The following GRM3 variants were observed in gnomAD, a reference collection of about 807,000 sequenced individuals.
The protein encoded by GRM3 is glutamate metabotropic receptor 3, also known as metabotropic glutamate receptor 3.
A neutral mutation model predicts 70.5 loss-of-function variants in GRM3; 26 were observed. The observed-to-expected ratio is 0.37, with a 90% CI of 0.27 to 0.51. GRM3 has a LOEUF of 0.51. Ranked by LOEUF, GRM3 falls within the 20% of genes least tolerant of loss-of-function variation. The pLI is 0.93. For missense variants in GRM3, 859 were observed against 1,123.8 expected (o/e 0.76, Z 3.37); for synonymous variants, 443 against 434.9 (o/e 1.02, Z -0.23).
At chr7:86,722,979 A>G (rs1355682808) in intron 1 of GRM3, among the ~76,000 whole-genome samples, 3 of 152,094 alleles carry the variant, frequency 2.0e-5, no homozygotes, top group Admixed American at 2.0e-4. Flanking sequence ...CATTTCAAAT[A>G]TATCTGGAGT....
chr7:86,794,806 T>A (rs1457503939), intron 3 of GRM3, among the ~76,000 whole-genome samples: 2 of 152,112 alleles, frequency 1.3e-5, no homozygotes, highest in African/African-American at 4.8e-5. Flanking sequence ...TTAGAATTTG[T>A]TAACGTGGCA....
intron 3 of GRM3, among the ~76,000 whole-genome samples, chr7:86,815,337 T>C (rs1797994848): frequency 1.3e-5 from 2 of 151,858 alleles, no homozygotes; most frequent in Admixed American, 6.6e-5. Flanking sequence ...CTCTACATCA[T>C]ATTCAAATGC....
intron 2 of GRM3, among the ~76,000 whole-genome samples, chr7:86,785,084 C>T (rs1227690959): frequency 6.6e-6 from 1 of 152,168 alleles, no homozygotes; most frequent in African/African-American, 2.4e-5. Context: ...AAACGTGAAA[C>T]CACAATTTCC....
chr7:86,655,845 TGTGTGTGG>T (rs1237517271), intron 1 of GRM3, among the ~76,000 whole-genome samples: 33 of 136,512 alleles, frequency 2.4e-4, no homozygotes, highest in Middle Eastern at 3.7e-3. Flanking sequence ...TGTGTGTGTG[TGTGTGTGG>T]GTGGGTGGGT....
intron 1 of GRM3, among the ~76,000 whole-genome samples, chr7:86,693,552 G>T (rs1340855354): frequency 6.6e-6 from 1 of 152,170 alleles, no homozygotes; most frequent in Non-Finnish European, 1.5e-5. Context: ...AATCATCAGG[G>T]CCAGGAAAAA....
intron 1 of GRM3, among the ~76,000 whole-genome samples, chr7:86,704,059 T>C (rs1217106693): frequency 6.6e-6 from 1 of 151,966 alleles, no homozygotes; most frequent in Non-Finnish European, 1.5e-5. Flanking sequence ...CAGGTGATGA[T>C]TGAAGTTTTT....
intron 1 of GRM3, among the ~76,000 whole-genome samples, chr7:86,727,668 C>A (rs1037265741): frequency 1.3e-5 from 2 of 152,152 alleles, no homozygotes; most frequent in African/African-American, 4.8e-5. Flanking sequence ...GAAGTCAAAT[C>A]AGAAGTTAGA....
chr7:86,783,428 G>A (rs1797130314), intron 2 of GRM3, among the ~76,000 whole-genome samples: 1 of 152,122 alleles, frequency 6.6e-6, no homozygotes, highest in Admixed American at 6.5e-5. Context: ...TCTTCACCTA[G>A]CAGAACTGTT....
At chr7:86,726,232 C>T (rs1795590447) in intron 1 of GRM3, among the ~76,000 whole-genome samples, 1 of 152,200 alleles carries the variant, frequency 6.6e-6, no homozygotes, top group African/African-American at 2.4e-5. Context: ...AGTATATTCA[C>T]AGAGGTGTTG....
intron 5 of GRM3, among the ~76,000 whole-genome samples, chr7:86,850,778 C>A (rs1798741759): frequency 6.6e-6 from 1 of 152,114 alleles, no homozygotes; most frequent in Admixed American, 6.6e-5. Context: ...GGAACAAAGA[C>A]ATTAAATACA....
At chr7:86,710,774 G>A (rs1795179509) in intron 1 of GRM3, among the ~76,000 whole-genome samples, 1 of 151,932 alleles carries the variant, frequency 6.6e-6, no homozygotes, top group Admixed American at 6.6e-5. Context: ...GCTAAAGTTT[G>A]GACCTTACAA....
At chr7:86,793,798 T>C (rs1298731596) in intron 3 of GRM3, among the ~76,000 whole-genome samples, 1 of 152,134 alleles carries the variant, frequency 6.6e-6, no homozygotes, top group Non-Finnish European at 1.5e-5. Flanking sequence ...GCTTGTTATT[T>C]TTACTATTAT....
rs142347613 is a variant in GRM3 at position 86,665,154 on chromosome 7, C to T, written c.-141+20282C>T. Among the ~76,000 whole-genome samples the T allele has an allele frequency of 2.0e-5, 3 of 152,020 alleles. No homozygotes were observed. In the East Asian group the frequency reaches 5.8e-4, roughly 29 times the overall value. ...CTATTCTTTTCGTTCCGTTTTATTC[C>T]ACTGTTACCAAATTGAATATATTTG... On this transcript the variant is annotated intron_variant, in intron 1 of 5. Transcript: ENST00000361669.
intron 3 of GRM3, among the ~76,000 whole-genome samples, chr7:86,813,996 C>A (rs1413732146): frequency 1.3e-5 from 2 of 151,664 alleles, no homozygotes; most frequent in Non-Finnish European, 3.0e-5. Context: ...ATCCTCTAAC[C>A]CCCAATTTTC....
rs931676051 is a variant in GRM3 at position 86,644,544 on chromosome 7, A to G, written c.-469A>G. On this transcript the variant is annotated 5_prime_UTR_variant, in exon 1 of 6. Coordinates refer to ENST00000361669, the MANE Select transcript of GRM3 (RefSeq NM_000840.3). ...GACCACTGGGTCCCCTCTTTCCCCAACCTCCTCCCTCTCTTCTACTCCACC... is the reference window on the plus strand; with the variant it reads ...GACCACTGGGTCCCCTCTTTCCCCAGCCTCCTCCCTCTCTTCTACTCCACC... 1 of 374,380 alleles carries G rather than the reference A, an allele frequency of 2.7e-6. No homozygotes were observed. Among genetic ancestry groups the G allele is most frequent in the South Asian group, 2.0e-5 (1 of 50,730 alleles). 23.2% of individuals were successfully genotyped at this position (374,380 alleles called of 1,614,324 possible). A position where few individuals can be genotyped will look rare whatever the true frequency, so the allele number is the denominator to read the frequency against.
At chr7:86,646,681 C>A (rs188377669) in intron 1 of GRM3, among the ~76,000 whole-genome samples, 7 of 152,168 alleles carry the variant, frequency 4.6e-5, no homozygotes, top group African/African-American at 1.4e-4. Context: ...AAACCTAAAT[C>A]ATAGAAAATT....
intron 3 of GRM3, among the ~76,000 whole-genome samples, chr7:86,834,522 T>C (rs773799536): frequency 2.6e-5 from 4 of 152,114 alleles, no homozygotes; most frequent in Non-Finnish European, 4.4e-5. Flanking sequence ...TCTTCACTTA[T>C]CTCTCTTGAG....
intron 1 of GRM3, among the ~76,000 whole-genome samples, chr7:86,722,423 T>TA (rs1422087612): frequency 6.6e-6 from 1 of 151,974 alleles, no homozygotes; most frequent in Non-Finnish European, 1.5e-5. Context: ...TATGCAGCCA[T>TA]AAAAAAGGAT....
chr7:86,738,831 T>C (rs966214688), intron 1 of GRM3, among the ~76,000 whole-genome samples: 1 of 152,230 alleles, frequency 6.6e-6, no homozygotes, highest in Non-Finnish European at 1.5e-5. Context: ...ATATACATTG[T>C]GAAATGACCA....
Sources: allele counts gnomAD v4.1 joint callset (sites outside exome capture counted in the v4.1 genomes callset), GRCh38; gene constraint gnomAD v4.1.1; transcripts MANE v1.5; gene names NCBI Gene and HGNC (gene_info 2026-07-23, HGNC 2026-07-21).